GPC5: variants seen among roughly 807,000 people sequenced by gnomAD.
GPC5 encodes glypican-5.
In GPC5, 47 loss-of-function variants were observed where a neutral mutation model predicts 53.9. The observed-to-expected ratio is 0.87, with a 90% confidence interval of 0.69 to 1.11. GPC5 has a LOEUF of 1.11. Ranked by LOEUF, GPC5 falls within the 50% of genes most tolerant of loss-of-function variation. The probability of loss-of-function intolerance (pLI) is 0.00; values close to 1 mark genes in which losing one functional copy is unlikely to be tolerated. For missense variants in GPC5, 748 were observed against 713.1 expected (o/e 1.05, Z -0.56); for synonymous variants, 286 against 263.3 (o/e 1.09, Z -0.84).
chr13:91,953,874 AC>A (rs1165992825), intron 6 of GPC5, among the ~76,000 whole-genome samples: 2 of 151,994 alleles, frequency 1.3e-5, no homozygotes, highest in Non-Finnish European at 2.9e-5. Flanking sequence ...CAAATACCAC[AC>A]CTCTTAATAT....
intron 2 of GPC5, among the ~76,000 whole-genome samples, chr13:91,599,143 T>C (rs2033094442): frequency 6.6e-6 from 1 of 152,126 alleles, no homozygotes; most frequent in African/African-American, 2.4e-5. Flanking sequence ...TGACTAGACA[T>C]CTTTTTAAAT....
intron 7 of GPC5, among the ~76,000 whole-genome samples, chr13:92,503,566 A>T (rs1166393825): frequency 6.6e-6 from 1 of 151,662 alleles, no homozygotes; most frequent in African/African-American, 2.4e-5. Flanking sequence ...ACCCTCTTTA[A>T]AAAAAACCCA....
chr13:91,593,727 T>G (rs775887293), intron 2 of GPC5, among the ~76,000 whole-genome samples: 8 of 152,156 alleles, frequency 5.3e-5, no homozygotes, highest in Non-Finnish European at 1.2e-4. Context: ...ACAAAATGAT[T>G]GGCCCAAGTA....
At chr13:92,552,518 T>C (rs930277787) in intron 7 of GPC5, among the ~76,000 whole-genome samples, 1 of 151,954 alleles carries the variant, frequency 6.6e-6, no homozygotes, top group Admixed American at 6.6e-5. Flanking sequence ...ACTAAACCAG[T>C]GCTAAGGCTC....
intron 5 of GPC5, among the ~76,000 whole-genome samples, chr13:91,896,119 T>A (rs2039439562): frequency 1.2e-5 from 1 of 81,524 alleles, no homozygotes; most frequent in African/African-American, 8.8e-5. Context: ...TTTTTCTAAT[T>A]TTTTTTTTTT....
chr13:92,449,364 T>A (rs932671763), intron 7 of GPC5, among the ~76,000 whole-genome samples: 30 of 152,262 alleles, frequency 2.0e-4, no homozygotes, highest in African/African-American at 6.5e-4. Flanking sequence ...TAGCCTCTCA[T>A]GTCATCGAGT....
intron 6 of GPC5, among the ~76,000 whole-genome samples, chr13:92,119,579 T>C (rs2041631256): frequency 7.3e-6 from 1 of 136,322 alleles, no homozygotes; most frequent in Non-Finnish European, 1.6e-5. Context: ...TTTTTTTTTT[T>C]TTTTTTTTTT....
At chr13:92,639,260 A>C (rs753269691) in intron 7 of GPC5, among the ~76,000 whole-genome samples, 15 of 152,176 alleles carry the variant, frequency 9.9e-5, no homozygotes, top group Non-Finnish European at 2.1e-4. Context: ...ATCCATTATA[A>C]TCTTATTTTC....
intron 7 of GPC5, among the ~76,000 whole-genome samples, chr13:92,544,601 T>C (rs1439284667): frequency 1.3e-5 from 2 of 152,148 alleles, no homozygotes; most frequent in African/African-American, 4.8e-5. Context: ...TCCCAACACA[T>C]GTGTCAAATA....
intron 7 of GPC5, among the ~76,000 whole-genome samples, chr13:92,826,472 G>A (rs1877851179): frequency 1.3e-5 from 2 of 152,216 alleles, no homozygotes; most frequent in South Asian, 4.1e-4. Context: ...AAACTAAGAA[G>A]AGGACTTAAG....
intron 6 of GPC5, among the ~76,000 whole-genome samples, chr13:92,004,758 C>G (rs914673960): frequency 2.6e-5 from 4 of 151,634 alleles, no homozygotes; most frequent in Non-Finnish European, 5.9e-5. Flanking sequence ...TACGTGGTGG[C>G]AGGCAAGAAA....
intron 5 of GPC5, among the ~76,000 whole-genome samples, chr13:91,839,472 C>T (rs1327032757): frequency 6.6e-6 from 1 of 151,862 alleles, no homozygotes; most frequent in Admixed American, 6.6e-5. Context: ...TTTTTATGTA[C>T]ATAACATTGA....
At chr13:92,022,531 G>A (rs186429870) in intron 6 of GPC5, among the ~76,000 whole-genome samples, 2 of 151,822 alleles carry the variant, frequency 1.3e-5, no homozygotes, top group African/African-American at 4.8e-5. Context: ...GGTACATGGT[G>A]GATCTTAATA....
At chr13:91,679,668 T>C (rs2035462806) in intron 2 of GPC5, among the ~76,000 whole-genome samples, 1 of 152,216 alleles carries the variant, frequency 6.6e-6, no homozygotes, top group Non-Finnish European at 1.5e-5. Context: ...AACTGTACTT[T>C]TAATAGTAAT....
intron 7 of GPC5, among the ~76,000 whole-genome samples, chr13:92,618,133 G>C (rs1884758278): frequency 6.6e-6 from 1 of 152,046 alleles, no homozygotes. Context: ...TTCTTCCCCA[G>C]TTGATTTTTA....
chr13:91,536,376 C>T (rs1251849829), intron 2 of GPC5, among the ~76,000 whole-genome samples: 2 of 152,002 alleles, frequency 1.3e-5, no homozygotes, highest in Non-Finnish European at 2.9e-5. Context: ...CTAGTGGCCT[C>T]GAGAAATAAC....
chr13:91,648,589 A>G (rs1437913944), intron 2 of GPC5, among the ~76,000 whole-genome samples: 5 of 152,154 alleles, frequency 3.3e-5, no homozygotes, highest in Non-Finnish European at 7.3e-5. Context: ...GTATAGGCTC[A>G]CAGAAACAAA....
chr13:91,965,484 TTC>T (rs1424840017), intron 6 of GPC5, among the ~76,000 whole-genome samples: 1 of 152,188 alleles, frequency 6.6e-6, no homozygotes, highest in Non-Finnish European at 1.5e-5. Flanking sequence ...TACCCAGTTT[TTC>T]TCTCTGTATA....
chr13:92,411,138 C>T (rs563763543), intron 7 of GPC5, among the ~76,000 whole-genome samples: 70 of 152,122 alleles, frequency 4.6e-4, no homozygotes, highest in African/African-American at 1.6e-3. Flanking sequence ...GGCATGATGG[C>T]GCACGTCTGT....
Sources: gnomAD v4.1 joint callset for allele counts (sites outside exome capture counted in the v4.1 genomes callset) on GRCh38, gnomAD v4.1.1 for gene constraint, MANE v1.5 for transcripts, NCBI Gene and HGNC (gene_info 2026-07-23, HGNC 2026-07-21) for gene names.